Variants in INTS8 observed in about 807,000 individuals in gnomAD.
INTS8 encodes integrator complex subunit 8, also known as protein kaonashi-1.
INTS8 carries 47 observed loss-of-function variants against 138.9 expected under a neutral mutation model. The ratio of observed to expected loss-of-function variants is 0.34; its 90% CI spans 0.27 to 0.43. The LOEUF is 0.43. Ranked by LOEUF, INTS8 falls within the 20% of genes least tolerant of loss-of-function variation. The pLI, the probability that INTS8 is intolerant of heterozygous loss-of-function variation, is 1.00. For missense variants in INTS8, 996 were observed against 1,173.0 expected, an observed-to-expected ratio of 0.85 and a Z score of 2.20; for synonymous variants, 392 against 400.9, an observed-to-expected ratio of 0.98 and a Z score of 0.27.
At chr8:94,849,811 G>A in intron 11 of INTS8, 105 bp from the exon 12 acceptor site, 1 of 779,792 alleles carries the variant, frequency 1.3e-6, no homozygotes, top group Non-Finnish European at 2.0e-6. Flanking sequence ...TACAGTTTAT[G>A]TAATGGTGGC....
intron 21 of INTS8, among the ~76,000 whole-genome samples, chr8:94,872,828 A>C (rs191306594): frequency 3.3e-5 from 5 of 152,290 alleles, no homozygotes; most frequent in African/African-American, 7.2e-5. Context: ...TTTTCCTATC[A>C]TGCTTGTTTC....
In INTS8 at chr8:94,829,043, G is replaced by A; in HGVS notation, c.570+17G>A. On this transcript the variant is annotated intron_variant, in intron 5 of 26. Transcript: ENST00000523731. ...TTGAAAGTGGTAAGTATTGGCATCA[G>A]TTACACAGTAACACTTCAGGAACAA... 6.3e-7 allele frequency: 1 copy of A among 1,575,318 alleles called. No homozygotes were observed. Among genetic ancestry groups the A allele is most frequent in the Non-Finnish European group, 8.7e-7 (1 of 1,150,832 alleles).
intron 2 of INTS8, among the ~76,000 whole-genome samples, chr8:94,825,390 C>T (rs763639463): frequency 7.3e-5 from 11 of 150,758 alleles, no homozygotes; most frequent in Admixed American, 2.0e-4. Flanking sequence ...CGAGATGGCG[C>T]TACTGCACTC....
intron 20 of INTS8, among the ~76,000 whole-genome samples, chr8:94,868,363 G>A (rs977765624): frequency 2.0e-5 from 3 of 152,070 alleles, no homozygotes; most frequent in Admixed American, 6.6e-5. Context: ...AAAAGATTTC[G>A]GTACATAGAC....
intron 21 of INTS8, among the ~76,000 whole-genome samples, chr8:94,872,990 C>T (rs1816450387): frequency 6.6e-6 from 1 of 152,138 alleles, no homozygotes; most frequent in African/African-American, 2.4e-5. Context: ...CCACATCATT[C>T]CTCTCTCCTC....
chr8:94,833,074 G>C (rs1038814712), intron 6 of INTS8, among the ~76,000 whole-genome samples: 1 of 151,832 alleles, frequency 6.6e-6, no homozygotes, highest in Non-Finnish European at 1.5e-5. Flanking sequence ...TCCAGAGTAG[G>C]ACCTTGAGTA....
chr8:94,849,473 A>C lies in INTS8; in HGVS notation c.1272A>C (p.Arg424Ser). 6.5e-7 allele frequency: 1 copy of C among 1,533,038 alleles called. No individual in the cohort carries two copies. Among genetic ancestry groups the C allele is most frequent in the East Asian group, 2.3e-5 (1 of 43,868 alleles). The allele number at this position is 1,533,038 out of a possible 1,614,324, so 95.0% of individuals were successfully genotyped here. ...KIDFLLEVCS[R>S]SVNLEKASES... Reference sequence around the variant, plus strand: ...ACTCAAATTCCTAGGTATGTTCAAGATCAGTAAATTTAGAAAAAGCTTCAG... The same window carrying C: ...ACTCAAATTCCTAGGTATGTTCAAGCTCAGTAAATTTAGAAAAAGCTTCAG... Residue 424 changes from arginine to serine, a missense_variant, in exon 11 of 27, where the codon AGA (arginine) becomes AGC (serine). Arg to Ser is a moderately radical substitution (Grantham distance 110). Transcript: ENST00000523731.
intron 26 of INTS8, among the ~76,000 whole-genome samples, chr8:94,877,495 A>T (rs1462857740): frequency 6.6e-6 from 1 of 151,960 alleles, no homozygotes; most frequent in African/African-American, 2.4e-5. Flanking sequence ...ATATTGAAAA[A>T]TTTTCCTAGC....
Position 94,881,544 on chromosome 8 carries a change from C to T in INTS8, c.*1310C>T. 2 of 1,344,372 alleles carry T rather than the reference C, an allele frequency of 1.5e-6. No homozygotes were observed. The highest frequency in any genetic ancestry group is 2.1e-6 in the Non-Finnish European group (2 of 965,112). 83.3% of individuals were successfully genotyped at this position (1,344,372 alleles called of 1,614,324 possible). A position where few individuals can be genotyped will look rare whatever the true frequency, so the allele number is the denominator to read the frequency against. On this transcript the variant is annotated 3_prime_UTR_variant, in exon 27 of 27. Transcript: ENST00000523731. ...AATTGGCTAGGGCAATCAATCACAG[C>T]ACTACTTTCTGTAAAACTTTAGTAG...
intron 5 of INTS8, among the ~76,000 whole-genome samples, chr8:94,829,330 G>GTGA (rs939859635): frequency 6.6e-6 from 1 of 151,672 alleles, no homozygotes; most frequent in African/African-American, 2.4e-5. Context: ...CCATTTGGGG[G>GTGA]TGATGAGAGA....
chr8:94,851,648 A>G lies in INTS8; in HGVS notation c.1603A>G (p.Met535Val), dbSNP rs1815550094. The change falls in exon 13 of 27, where the codon ATG (methionine) becomes GTG (valine). Residue 535 changes from methionine (M) to valine (V), a missense_variant. Coordinates refer to ENST00000523731, the MANE Select transcript of INTS8 (RefSeq NM_017864.4). Reference sequence around the variant, plus strand: ...ACAAATTTTAATTGAATTACATGGTATGACTTCAGAGCGCCAGTTCTGGAC... The same window carrying G: ...ACAAATTTTAATTGAATTACATGGTGTGACTTCAGAGCGCCAGTTCTGGAC... ...IRQILIELHG[M>V]TSERQFWTVS... is the part of the protein sequence containing the mutation. 1.2e-6 allele frequency: 2 copies of G among 1,603,762 alleles called. No homozygotes were observed. The highest frequency in any genetic ancestry group is 2.3e-5 in the East Asian group (1 of 43,836).
chr8:94,861,344 C>T (rs2131051167), intron 16 of INTS8, among the ~76,000 whole-genome samples: 2 of 139,770 alleles, frequency 1.4e-5, no homozygotes, highest in African/African-American at 5.3e-5. Context: ...TCACTGCCAG[C>T]TCCGCCTCCC....
At chr8:94,863,055 A>G (rs916448514) in intron 16 of INTS8, among the ~76,000 whole-genome samples, 1 of 152,222 alleles carries the variant, frequency 6.6e-6, no homozygotes, top group Admixed American at 6.5e-5. Flanking sequence ...CTTTTGAAAT[A>G]ATATAAAACT....
chr8:94,824,775 AACCC>A, intron 1 of INTS8, 114 bp from the exon 2 acceptor site: 3 of 229,524 alleles, frequency 1.3e-5, no homozygotes, highest in Non-Finnish European at 2.5e-5. Context: ...GCAAAAAAAA[AACCC>A]AAACTCCCCC....
intron 10 of INTS8, among the ~76,000 whole-genome samples, chr8:94,843,579 G>C (rs1282126441): frequency 6.6e-6 from 1 of 151,168 alleles, no homozygotes; most frequent in Non-Finnish European, 1.5e-5. Context: ...AAAAAAAAAA[G>C]TTAGAATATT....
rs140661032 is a variant in INTS8 at position 94,829,947 on chromosome 8, G to A, written c.570+921G>A. Among the ~76,000 whole-genome samples, 227 of 152,106 alleles carry A rather than the reference G, an allele frequency of 1.5e-3. No individual in the cohort carries two copies. The East Asian group carries it at 0.036, about 24-fold the overall frequency. Reference sequence around the variant, plus strand: ...CAGAGTCTTGCTCTGTTACCAGGCCGGAGTGCAGTGGCGGAGTCAGCTCAC... The same window carrying A: ...CAGAGTCTTGCTCTGTTACCAGGCCAGAGTGCAGTGGCGGAGTCAGCTCAC... On this transcript the variant is annotated intron_variant, in intron 5 of 26. Coordinates refer to ENST00000523731, the MANE Select transcript of INTS8 (RefSeq NM_017864.4).
At chr8:94,835,129 G>A (rs28756805) in intron 6 of INTS8, among the ~76,000 whole-genome samples, 3,631 of 152,238 alleles carry the variant, frequency 0.024, 59 homozygotes, top group Non-Finnish European at 0.033. Context: ...GTCTTCTTAA[G>A]TCAGTCAGAT....
chr8:94,868,435 GCT>G lies in INTS8; in HGVS notation c.2414+1103_2414+1104del, dbSNP rs1355701462. On this transcript the variant is annotated intron_variant, in intron 20 of 26. Coordinates refer to ENST00000523731, the MANE Select transcript of INTS8 (RefSeq NM_017864.4). ...CGTCTCAATCTTAGAGATTGGAAAAGCTCTCTGTCTCATCCAGGGATTTGGAG... is the reference window on the plus strand; with the variant it reads ...CGTCTCAATCTTAGAGATTGGAAAAGCTCTGTCTCATCCAGGGATTTGGAG... 2.0e-5 allele frequency among the ~76,000 whole-genome samples: 3 copies of G among 152,226 alleles called. No homozygotes were observed. The East Asian group carries it at 5.8e-4, about 29-fold the overall frequency.
chr8:94,865,428 C>A, intron 16 of INTS8, 78 bp from the exon 17 acceptor site: 1 of 1,134,740 alleles, frequency 8.8e-7, no homozygotes, highest in Non-Finnish European at 1.3e-6. Flanking sequence ...CATCTTTCCT[C>A]CAGTGTGCCT....
Sources: allele counts gnomAD v4.1 joint callset (sites outside exome capture counted in the v4.1 genomes callset), GRCh38; gene constraint gnomAD v4.1.1; transcripts MANE v1.5; gene names NCBI Gene and HGNC (gene_info 2026-07-23, HGNC 2026-07-21).